CA5A: variants seen among roughly 807,000 people sequenced by gnomAD.
CA5A encodes the protein carbonic anhydrase 5A.
A neutral mutation model predicts 37.1 loss-of-function variants in CA5A; 28 were observed. That is an observed-to-expected ratio of 0.75 (90% CI 0.56 to 1.03). The LOEUF (loss-of-function observed/expected upper bound fraction) is 1.03, where lower values mean the gene tolerates loss of function less well. CA5A is among the 50% of genes least tolerant of loss of function. The pLI is 0.00. For synonymous variants in CA5A, 171 were observed against 158.4 expected, an observed-to-expected ratio of 1.08 and a Z score of -0.60; for missense variants, 444 against 399.9, an observed-to-expected ratio of 1.11 and a Z score of -0.94.
chr16:87,921,869 A>AT (rs1319680191), intron 2 of CA5A, among the ~76,000 whole-genome samples: 839 of 75,604 alleles, frequency 0.011, 4 homozygotes, highest in African/African-American at 0.043. Context: ...TGTTATTATT[A>AT]TTATTATTAT....
intron 2 of CA5A, chr16:87,923,551 T>TC (rs1478635427): frequency 6.1e-6 from 6 of 985,384 alleles, no homozygotes; most frequent in Non-Finnish European, 7.2e-6. Context: ...GTATCAGGAT[T>TC]CCCCTGGGGC....
intron 2 of CA5A, among the ~76,000 whole-genome samples, chr16:87,905,840 T>C (rs984674507): frequency 3.3e-5 from 5 of 152,150 alleles, no homozygotes; most frequent in African/African-American, 1.2e-4. Context: ...GGGGTGCCCC[T>C]CTCCATGGCA....
intron 2 of CA5A, among the ~76,000 whole-genome samples, chr16:87,925,921 G>C (rs7204087): frequency 0.64 from 96,715 of 152,014 alleles, 31,496 homozygotes; most frequent in Non-Finnish European, 0.68. Context: ...GCTGTGGGAT[G>C]CATTTAAAAG....
chr16:87,908,553 C>T (rs1347739969), intron 2 of CA5A, among the ~76,000 whole-genome samples: 5 of 152,182 alleles, frequency 3.3e-5, no homozygotes, highest in African/African-American at 9.7e-5. Context: ...CACTGACAGC[C>T]GATGCCTGCC....
At chr16:87,905,961 T>C (rs1412272884) in intron 2 of CA5A, among the ~76,000 whole-genome samples, 1 of 152,220 alleles carries the variant, frequency 6.6e-6, no homozygotes, top group East Asian at 1.9e-4. Flanking sequence ...ATGGCTGCCA[T>C]TCCCACGTCC....
chr16:87,892,485 G>C (rs2055732048), intron 5 of CA5A, among the ~76,000 whole-genome samples: 1 of 146,272 alleles, frequency 6.8e-6, no homozygotes. Flanking sequence ...ACTCCAGCCT[G>C]GGCAACAGAG....
chr16:87,922,978 G>A (rs1320117606), intron 2 of CA5A, among the ~76,000 whole-genome samples: 1 of 152,212 alleles, frequency 6.6e-6, no homozygotes, highest in South Asian at 2.1e-4. Context: ...AAGGAAGACT[G>A]CAGTGGTGCA....
chr16:87,891,017 C>T (rs1021271933), intron 6 of CA5A, among the ~76,000 whole-genome samples: 1 of 151,938 alleles, frequency 6.6e-6, no homozygotes, highest in African/African-American at 2.4e-5. Context: ...TGGTCTCGAA[C>T]TCCTGGCCTC....
chr16:87,934,853 G>C (rs370206352), intron 1 of CA5A, among the ~76,000 whole-genome samples: 2 of 152,300 alleles, frequency 1.3e-5, no homozygotes, highest in Admixed American at 6.5e-5. Context: ...CCAGCTACTT[G>C]GGAGGCTGAG....
chr16:87,899,933 A>C (rs1282157358), intron 5 of CA5A, among the ~76,000 whole-genome samples: 25 of 97,406 alleles, frequency 2.6e-4, no homozygotes, highest in African/African-American at 8.7e-4. Flanking sequence ...AAAAAAAAAA[A>C]AAAAAAAAAA....
chr16:87,911,623 C>G lies in CA5A; in HGVS notation c.341-6719G>C, dbSNP rs146694297. ...CTGTAAAGGGTGACACGGCTGAGGG[C>G]TTCTGTGTGCCACCTCCCCAGGCAG... On this transcript the variant is annotated intron_variant, in intron 2 of 6. Coordinates refer to ENST00000649794, the MANE Select transcript of CA5A (RefSeq NM_001739.2). The surrounding 1 kb of genome is among the most constrained non-coding windows in gnomAD (Gnocchi z 4.6). Among the ~76,000 whole-genome samples the G allele has an allele frequency of 0.015, 2,356 of 152,230 alleles. 62 individuals are homozygous for G. Among genetic ancestry groups the G allele is most frequent in the African/African-American group, 0.053 (2,220 of 41,508 alleles).
chr16:87,924,361 G>C (rs1343667655), intron 2 of CA5A: 1 of 968,700 alleles, frequency 1.0e-6, no homozygotes, highest in Non-Finnish European at 1.2e-6. Flanking sequence ...AGAGACACTG[G>C]AAGGACCAAG....
Position 87,911,284 on chromosome 16 carries a change from T to C in CA5A, c.341-6380A>G, listed in dbSNP as rs1403157030. ...GGCTCATGGAGATATAATTGAACGA[T>C]TGCCTCAGCGCGTGCCAGACTCTCC... On this transcript the variant is annotated intron_variant, in intron 2 of 6. Transcript: ENST00000649794. The surrounding 1 kb of genome is among the most constrained non-coding windows in gnomAD (Gnocchi z 4.6). Among the ~76,000 whole-genome samples, 5 of 152,182 alleles carry C rather than the reference T, an allele frequency of 3.3e-5. No individual in the cohort carries two copies. The highest frequency in any genetic ancestry group is 9.6e-5 in the African/African-American group (4 of 41,532).
Position 87,902,013 on chromosome 16 carries a change from G to A in CA5A, c.556-39C>T, listed in dbSNP as rs1298553821. ...AAAGGAGGGGTTAGCTGCAAAGGCA[G>A]TGGATGGGGGGGGAAGCTCACTCCA... On this transcript the variant is annotated intron_variant, in intron 4 of 6. Transcript: ENST00000649794. 3 of 1,568,972 alleles carry A rather than the reference G, an allele frequency of 1.9e-6. No homozygotes were observed. In the East Asian group the frequency reaches 6.7e-5, roughly 35 times the overall value.
chr16:87,909,403 A>T (rs149923238), intron 2 of CA5A, among the ~76,000 whole-genome samples: 24 of 152,312 alleles, frequency 1.6e-4, no homozygotes, highest in African/African-American at 5.3e-4. Flanking sequence ...CTCTGGCTCT[A>T]TGATACGCAA....
chr16:87,914,936 A>G (rs1323663068), intron 2 of CA5A, among the ~76,000 whole-genome samples: 1 of 152,210 alleles, frequency 6.6e-6, no homozygotes, highest in Non-Finnish European at 1.5e-5. Context: ...TCGGAACGAG[A>G]GTTAATCCAC....
chr16:87,893,666 T>C, intron 5 of CA5A: 1 of 581,440 alleles, frequency 1.7e-6, no homozygotes, highest in East Asian at 4.6e-5. Flanking sequence ...TAGCCGAGGC[T>C]CGGGCTGGGT....
Position 87,917,056 on chromosome 16 carries a change from G to C in CA5A, c.340+9692C>G, listed in dbSNP as rs1462703983. ...GGAGGCGGAGGTTGCAGTGAGCCAA[G>C]ACAGCTCCACTGCACTCCAGCCTGG... On this transcript the variant is annotated intron_variant, in intron 2 of 6. Transcript: ENST00000649794. Among the ~76,000 whole-genome samples, 8 of 144,690 alleles carry C rather than the reference G, an allele frequency of 5.5e-5. No homozygotes were observed. The South Asian group carries it at 1.3e-3, about 23-fold the overall frequency. 94.9% of individuals were successfully genotyped at this position (144,690 alleles called of 152,430 possible).
chr16:87,912,491 A>G (rs2056065489), intron 2 of CA5A, among the ~76,000 whole-genome samples: 1 of 152,238 alleles, frequency 6.6e-6, no homozygotes, highest in Non-Finnish European at 1.5e-5. Context: ...TTTGCCAACC[A>G]TGCAAGCATA....
Sources: gnomAD v4.1 joint callset for allele counts (sites outside exome capture counted in the v4.1 genomes callset) on GRCh38, gnomAD v4.1.1 for gene constraint, Gnocchi (gnomAD v3.1) non-coding constraint, MANE v1.5 for transcripts, NCBI Gene and HGNC (gene_info 2026-07-23, HGNC 2026-07-21) for gene names.